Variants in TOR1AIP1 observed in about 807,000 individuals in gnomAD.
TOR1AIP1 encodes the protein torsin-1A-interacting protein 1.
A neutral mutation model predicts 63.3 loss-of-function variants in TOR1AIP1; 54 were observed. The observed-to-expected ratio is 0.85, with a 90% CI of 0.69 to 1.07. The LOEUF (loss-of-function observed/expected upper bound fraction) is 1.07, where lower values mean the gene tolerates loss of function less well. Ranked by LOEUF, TOR1AIP1 falls within the 50% of genes least tolerant of loss-of-function variation. The pLI, the probability that TOR1AIP1 is intolerant of heterozygous loss-of-function variation, is 0.00. For missense variants in TOR1AIP1, 736 were observed against 715.0 expected, an observed-to-expected ratio of 1.03 and a Z score of -0.33; for synonymous variants, 294 against 273.5, an observed-to-expected ratio of 1.07 and a Z score of -0.74.
At chr1:179,883,092 G>C (rs1243450606) in intron 1 of TOR1AIP1, 115 bp downstream of exon 1, 2 of 973,122 alleles carry the variant, frequency 2.1e-6, no homozygotes, top group Non-Finnish European at 3.1e-6. Context: ...ATTGGCTAAA[G>C]GGTATTCCTC....
intron 3 of TOR1AIP1, among the ~76,000 whole-genome samples, chr1:179,897,558 GCT>G (rs1055761145): frequency 6.6e-6 from 1 of 152,110 alleles, no homozygotes; most frequent in African/African-American, 2.4e-5. Context: ...TATTCTGATA[GCT>G]CAACAAATGA....
At chr1:179,886,492 C>G (rs1020852523) in intron 2 of TOR1AIP1, among the ~76,000 whole-genome samples, 1 of 152,170 alleles carries the variant, frequency 6.6e-6, no homozygotes, top group African/African-American at 2.4e-5. Flanking sequence ...GCATAACTCA[C>G]AGGGCCTCTG....
intron 6 of TOR1AIP1, among the ~76,000 whole-genome samples, 194 bp from the exon 7 acceptor site, chr1:179,907,601 ATATATATATATATATATGTATATATATG>A (rs1173316427): frequency 1.9e-3 from 43 of 23,076 alleles, no homozygotes; most frequent in Non-Finnish European, 4.1e-3. Flanking sequence ...CTTTATATAT[ATATATATATATATATATGTATATATATG>A]TATATATATA....
intron 9 of TOR1AIP1, among the ~76,000 whole-genome samples, chr1:179,914,646 T>C (rs927433130): frequency 2.6e-5 from 4 of 151,902 alleles, no homozygotes; most frequent in Non-Finnish European, 5.9e-5. Flanking sequence ...ATACAAAAAT[T>C]AGCTGGGCGT....
At chr1:179,900,297 A>G in intron 4 of TOR1AIP1, 130 bp downstream of exon 4, 2 of 563,984 alleles carry the variant, frequency 3.5e-6, no homozygotes, top group Non-Finnish European at 3.1e-6. Context: ...AGTCTCAGCT[A>G]CTCGGGAGGC....
At chr1:179,894,818 G>A (rs1648215108) in intron 3 of TOR1AIP1, among the ~76,000 whole-genome samples, 1 of 152,174 alleles carries the variant, frequency 6.6e-6, no homozygotes, top group Non-Finnish European at 1.5e-5. Context: ...CCAAGTTTAT[G>A]TTTTCTTGAG....
At chr1:179,894,628 G>C (rs1249532787) in intron 3 of TOR1AIP1, among the ~76,000 whole-genome samples, 2 of 152,130 alleles carry the variant, frequency 1.3e-5, no homozygotes, top group African/African-American at 4.8e-5. Flanking sequence ...GGAGGTTGTA[G>C]TGAGCCGAGA....
chr1:179,904,598 C>T (rs1648570800), intron 6 of TOR1AIP1: 1 of 152,086 alleles, frequency 6.6e-6, no homozygotes, highest in Non-Finnish European at 1.5e-5. Context: ...GCTTAAGAAT[C>T]ATTGGTGACA....
chr1:179,882,804 A>G lies in TOR1AIP1; in HGVS notation c.302A>G (p.Glu101Gly). Residue 101 changes from glutamate (E) to glycine (G), a missense_variant, in exon 1 of 10, where the codon GAA (glutamate) becomes GGA (glycine). Glu to Gly is a moderately conservative substitution (Grantham distance 98). This residue lies in a region of TOR1AIP1 where 464 missense variants were observed against 371.0 expected (regional missense o/e 1.25). Transcript: ENST00000606911. ...RSDSAKEEVRESAYYLRSRQR... is the reference protein window; with the variant it reads ...RSDSAKEEVRGSAYYLRSRQR... ...GATTCTGCGAAAGAGGAAGTGAGAG[A>G]AAGCGCGTACTACCTTCGGTCTAGG... 6.2e-7 allele frequency: 1 copy of G among 1,614,186 alleles called. No individual in the cohort carries two copies. The highest frequency in any genetic ancestry group is 8.5e-7 in the Non-Finnish European group (1 of 1,180,034).
At chr1:179,898,217 A>G (rs1648343698) in intron 3 of TOR1AIP1, among the ~76,000 whole-genome samples, 1 of 152,122 alleles carries the variant, frequency 6.6e-6, no homozygotes, top group African/African-American at 2.4e-5. Flanking sequence ...GGCTTTTTTT[A>G]TTATTAAATT....
Position 179,914,054 on chromosome 1 carries a change from C to T in TOR1AIP1, c.964C>T (p.Gln322Ter), listed in dbSNP as rs867591661. The T allele has an allele frequency of 2.4e-5, 39 of 1,613,074 alleles. No individual in the cohort carries two copies. The highest frequency in any genetic ancestry group is 2.9e-5 in the Non-Finnish European group (34 of 1,179,364). Reference sequence around the variant, plus strand: ...CCAGTCACCATCAACCTCCAGCCGACGTAAGTTTATGTATTCAGTTTTTAT... The same window carrying T: ...CCAGTCACCATCAACCTCCAGCCGATGTAAGTTTATGTATTCAGTTTTTAT... The part of the protein sequence containing the change: ...GNQSPSTSSR[Q>*]VTGQPQNASF... The change falls in exon 9 of 10, where the codon CAA becomes TAA. Residue 322 changes from glutamine (Q) to a stop codon, truncating the protein, a stop_gained and splice_region_variant. Coordinates refer to ENST00000606911, the MANE Select transcript of TOR1AIP1 (RefSeq NM_015602.4). LOFTEE classifies it low-confidence loss of function (END_TRUNC).
chr1:179,909,412 TGTTTTGTTTTGTTTTTGAGATGGA>T (rs1270458393), intron 8 of TOR1AIP1, among the ~76,000 whole-genome samples: 2 of 151,506 alleles, frequency 1.3e-5, no homozygotes, highest in African/African-American at 4.9e-5. Context: ...TGTTTTGTTT[TGTTTTGTTTTGTTTTTGAGATGGA>T]GTCTTGCTGT....
intron 8 of TOR1AIP1, among the ~76,000 whole-genome samples, chr1:179,911,596 A>G (rs1347912602): frequency 1.3e-5 from 2 of 152,228 alleles, no homozygotes; most frequent in Non-Finnish European, 2.9e-5. Context: ...GAACTAATAT[A>G]AATGTTTTGG....
chr1:179,894,420 C>T (rs1648201518), intron 3 of TOR1AIP1, among the ~76,000 whole-genome samples: 1 of 152,216 alleles, frequency 6.6e-6, no homozygotes, highest in Admixed American at 6.5e-5. Context: ...GGCCTGGTGG[C>T]TCATGCCTGT....
chr1:179,915,631 A>T (rs1048253061), intron 9 of TOR1AIP1, among the ~76,000 whole-genome samples: 1 of 152,128 alleles, frequency 6.6e-6, no homozygotes, highest in African/African-American at 2.4e-5. Context: ...GGTGGCACGC[A>T]CCTGTAATCC....
chr1:179,908,934 G>A (rs922401570), intron 8 of TOR1AIP1, among the ~76,000 whole-genome samples: 7 of 152,168 alleles, frequency 4.6e-5, no homozygotes, highest in African/African-American at 1.4e-4. Flanking sequence ...GGGAGGCCGA[G>A]GTGGGTGGAT....
rs1649055548 is a variant in TOR1AIP1 at position 179,917,487 on chromosome 1, A to G, written c.1000A>G (p.Lys334Glu). 1 of 1,613,268 alleles carries G rather than the reference A, an allele frequency of 6.2e-7. No homozygotes were observed. Among genetic ancestry groups the G allele is most frequent in the Non-Finnish European group, 8.5e-7 (1 of 1,179,948 alleles). ...TGQPQNASFVKRNRWWLLPLI... is the reference protein window; with the variant it reads ...TGQPQNASFVERNRWWLLPLI... ...ACAACCCCAAAATGCATCTTTTGTC[A>G]AGAGGAACCGGTGGTGGCTACTTCC... Residue 334 changes from lysine (K) to glutamate (E), a missense_variant, in exon 10 of 10, where the codon AAG becomes GAG. Transcript: ENST00000606911.
intron 1 of TOR1AIP1, 45 bp downstream of exon 1, chr1:179,883,022 G>T (rs761617574): frequency 1.8e-5 from 28 of 1,559,956 alleles, no homozygotes; most frequent in Non-Finnish European, 2.2e-5. Context: ...GCCAGGGAAC[G>T]CGCGGGGGCG....
At chr1:179,912,108 T>G (rs775817187) in intron 8 of TOR1AIP1, among the ~76,000 whole-genome samples, 23 of 151,282 alleles carry the variant, frequency 1.5e-4, no homozygotes, top group Non-Finnish European at 3.1e-4. Flanking sequence ...CACTGCAACC[T>G]CTGCCTCCTG....
Sources: gnomAD v4.1 joint callset for allele counts (sites outside exome capture counted in the v4.1 genomes callset) on GRCh38, gnomAD v4.1.1 for gene constraint, gnomAD v4.1.1 regional missense constraint, MANE v1.5 for transcripts, NCBI Gene and HGNC (gene_info 2026-07-23, HGNC 2026-07-21) for gene names.